The following PLBD1 variants were observed in gnomAD, a reference collection of about 807,000 sequenced individuals.
PLBD1 encodes the protein lysosomal leucine aminopeptidase.
PLBD1 carries 60 observed loss-of-function variants against 63.0 expected under a neutral mutation model. The observed-to-expected ratio is 0.95, with a 90% CI of 0.77 to 1.18. PLBD1 has a LOEUF of 1.18. Ranked by LOEUF, PLBD1 falls within the 50% of genes most tolerant of loss-of-function variation. The pLI is 0.00. For synonymous variants in PLBD1, 262 were observed against 248.0 expected (o/e 1.06, Z -0.53); for missense variants, 598 against 677.9 (o/e 0.88, Z 1.31).
intron 2 of PLBD1, among the ~76,000 whole-genome samples, chr12:14,547,806 G>A (rs1945626565): frequency 6.6e-6 from 1 of 152,106 alleles, no homozygotes; most frequent in Non-Finnish European, 1.5e-5. Context: ...CTGAGTCAGA[G>A]ACCATATTGG....
chr12:14,563,007 T>G (rs1311230633), intron 1 of PLBD1, among the ~76,000 whole-genome samples: 1 of 152,178 alleles, frequency 6.6e-6, no homozygotes, highest in African/African-American at 2.4e-5. Flanking sequence ...ATGAATTTTT[T>G]TTAAAAAAAT....
Position 14,506,247 on chromosome 12 carries a change from C to G in PLBD1, c.1394G>C (p.Ser465Thr). 6.2e-7 allele frequency: 1 copy of G among 1,610,804 alleles called. No homozygotes were observed. The highest frequency in any genetic ancestry group is 8.5e-7 in the Non-Finnish European group (1 of 1,177,750). The change falls in exon 10 of 11, where the codon AGT (serine) becomes ACT (threonine). Residue 465 changes from serine to threonine, a missense_variant. Transcript: ENST00000240617. ...RYNNYKKDPY[S>T]RGDPCNTICC... Reference sequence around the variant, plus strand: ...GATGGTATTACAGGGGTCACCTCTACTGTAAGGATCCTTCTTATAATCTAG... The same window carrying G: ...GATGGTATTACAGGGGTCACCTCTAGTGTAAGGATCCTTCTTATAATCTAG...
chr12:14,550,764 T>C (rs935119115), intron 2 of PLBD1, among the ~76,000 whole-genome samples: 47 of 150,434 alleles, frequency 3.1e-4, no homozygotes, highest in African/African-American at 1.1e-3. Flanking sequence ...TGTAATCCCA[T>C]CTACTTGGGA....
At chr12:14,508,684 C>T (rs571378707) in intron 8 of PLBD1, among the ~76,000 whole-genome samples, 2 of 152,220 alleles carry the variant, frequency 1.3e-5, no homozygotes, top group South Asian at 2.1e-4. Flanking sequence ...GCCCGAGAAC[C>T]GCTTGAACCC....
chr12:14,525,353 G>A (rs1945408653), intron 6 of PLBD1, among the ~76,000 whole-genome samples: 1 of 151,906 alleles, frequency 6.6e-6, no homozygotes, highest in Admixed American at 6.6e-5. Context: ...CCAATCTGAA[G>A]AACAGAGAGA....
At chr12:14,546,631 C>G (rs1400067342) in intron 2 of PLBD1, among the ~76,000 whole-genome samples, 1 of 152,152 alleles carries the variant, frequency 6.6e-6, no homozygotes, top group Non-Finnish European at 1.5e-5. Context: ...CAACTGCTAG[C>G]TAGTGGGTAG....
At position 14,507,113 on chromosome 12, in the gene PLBD1, A is replaced by C. The variant is rs757322520; in HGVS notation, c.1192T>G (p.Trp398Gly). ...EQTDVLRKGYWPSYNVPFHEK... is the reference protein window; with the variant it reads ...EQTDVLRKGYGPSYNVPFHEK... The stretch of plus-strand genomic sequence containing the variant: ...TGGAAAGGAACATTGTAGGAGGGCC[A>C]ATATCCTGATTTGGAATGGAAGGGA... Residue 398 changes from tryptophan to glycine, a missense_variant, in exon 9 of 11, where the codon TGG (tryptophan) becomes GGG (glycine). Trp to Gly is a radical substitution (Grantham distance 184). Transcript: ENST00000240617. 5.0e-6 allele frequency: 8 copies of C among 1,600,268 alleles called. No individual in the cohort carries two copies. The highest frequency in any genetic ancestry group is 6.8e-6 in the Non-Finnish European group (8 of 1,169,568).
At chr12:14,518,729 A>G (rs954795525) in intron 6 of PLBD1, among the ~76,000 whole-genome samples, 2 of 151,934 alleles carry the variant, frequency 1.3e-5, no homozygotes, top group African/African-American at 4.8e-5. Flanking sequence ...TATTTATTCA[A>G]TGATTATAAT....
chr12:14,548,819 G>T (rs1250075272), intron 2 of PLBD1, among the ~76,000 whole-genome samples: 2 of 152,160 alleles, frequency 1.3e-5, no homozygotes, highest in Non-Finnish European at 2.9e-5. Flanking sequence ...GTGCTGAGTT[G>T]ACTCATTCAA....
chr12:14,567,046 G>A (rs1945793632), intron 1 of PLBD1, among the ~76,000 whole-genome samples: 1 of 151,446 alleles, frequency 6.6e-6, no homozygotes, highest in South Asian at 2.1e-4. Context: ...AGTGAGCCGA[G>A]ATCACACCAT....
intron 3 of PLBD1, among the ~76,000 whole-genome samples, chr12:14,541,782 G>T (rs1212876074): frequency 6.6e-6 from 1 of 152,180 alleles, no homozygotes; most frequent in East Asian, 1.9e-4. Context: ...TTCTCAGAGG[G>T]TGTTAAGAGT....
At chr12:14,511,157 C>CCAAACCA in intron 8 of PLBD1, 103 bp downstream of exon 8, 1 of 1,120,782 alleles carries the variant, frequency 8.9e-7, no homozygotes, top group Non-Finnish European at 1.2e-6. Flanking sequence ...TCTTCCCCAC[C>CCAAACCA]ATACCCTCCC....
rs1184400462 is a variant in PLBD1 at position 14,540,889 on chromosome 12, A to G, written c.433T>C (p.Trp145Arg). 1 of 1,598,518 alleles carries G rather than the reference A, an allele frequency of 6.3e-7. No individual in the cohort carries two copies. Among genetic ancestry groups the G allele is most frequent in the Non-Finnish European group, 8.6e-7 (1 of 1,168,874 alleles). ...TATTCTTTGATATTTTTCCGGGTCC[A>G]CTTATCTTGCTTCCTGGAAGAGAAA... ...VQDFMEKQDK[W>R]TRKNIKEYKT... Residue 145 changes from tryptophan to arginine, a missense_variant, in exon 4 of 11, where the codon TGG (tryptophan) becomes CGG (arginine). Transcript: ENST00000240617.
chr12:14,534,306 T>C (rs529178771), intron 6 of PLBD1, among the ~76,000 whole-genome samples: 2 of 152,210 alleles, frequency 1.3e-5, no homozygotes, highest in Non-Finnish European at 2.9e-5. Flanking sequence ...AGATGTTTGG[T>C]GTTTTCCCCT....
chr12:14,528,310 T>C (rs772790410), intron 6 of PLBD1, among the ~76,000 whole-genome samples: 10 of 152,148 alleles, frequency 6.6e-5, no homozygotes, highest in Non-Finnish European at 1.0e-4. Flanking sequence ...GAAACATTCA[T>C]TGAGATAGAC....
chr12:14,528,181 G>A (rs976949338), intron 6 of PLBD1, among the ~76,000 whole-genome samples: 3 of 152,046 alleles, frequency 2.0e-5, no homozygotes, highest in Non-Finnish European at 4.4e-5. Context: ...TTAACAAATA[G>A]AAAATCAGTT....
At chr12:14,540,013 CAT>C (rs58124579) in intron 4 of PLBD1, among the ~76,000 whole-genome samples, 266 of 22,690 alleles carry the variant, frequency 0.012, 2 homozygotes, top group African/African-American at 0.025. Flanking sequence ...AAGCTATGCA[CAT>C]ATATATATAT....
chr12:14,543,582 G>A (rs1437557590), intron 2 of PLBD1, among the ~76,000 whole-genome samples: 1 of 151,866 alleles, frequency 6.6e-6, no homozygotes, highest in Non-Finnish European at 1.5e-5. Flanking sequence ...AAAATTAGCT[G>A]GCCCTGGAGG....
intron 2 of PLBD1, among the ~76,000 whole-genome samples, chr12:14,542,720 A>G (rs556107315): frequency 2.0e-5 from 3 of 152,350 alleles, no homozygotes; most frequent in Non-Finnish European, 4.4e-5. Context: ...AATAATGTAT[A>G]GAATTATTTA....
Sources: gnomAD v4.1 joint callset for allele counts (sites outside exome capture counted in the v4.1 genomes callset) on GRCh38, gnomAD v4.1.1 for gene constraint, MANE v1.5 for transcripts, NCBI Gene and HGNC (gene_info 2026-07-23, HGNC 2026-07-21) for gene names.